The following NUBPL variants were observed in gnomAD, a reference collection of about 807,000 sequenced individuals.
NUBPL encodes NUBP iron-sulfur cluster assembly factor, mitochondrial.
In NUBPL, 31 loss-of-function variants were observed where a neutral mutation model predicts 45.7. That is an observed-to-expected ratio of 0.68 (90% CI 0.51 to 0.92). The LOEUF (loss-of-function observed/expected upper bound fraction) is 0.92, where lower values mean the gene tolerates loss of function less well. Among genes scored for constraint, NUBPL ranks in the 40% least tolerant of loss-of-function variants. NUBPL has a pLI of 0.00. For missense variants in NUBPL, 401 were observed against 398.7 expected, an observed-to-expected ratio of 1.01 and a Z score of -0.05; for synonymous variants, 144 against 140.9, an observed-to-expected ratio of 1.02 and a Z score of -0.15.
At chr14:31,567,547 A>T (rs2033469116) in intron 3 of NUBPL, among the ~76,000 whole-genome samples, 2 of 151,634 alleles carry the variant, frequency 1.3e-5, no homozygotes. Flanking sequence ...GCTGTATTGG[A>T]CTTTAGTTGT....
At position 31,809,984 on chromosome 14, in the gene NUBPL, G is replaced by C. The variant is rs529613589; in HGVS notation, c.608-16645G>C. Among the ~76,000 whole-genome samples the C allele has an allele frequency of 2.0e-5, 3 of 152,340 alleles. No homozygotes were observed. In the East Asian group the frequency reaches 5.8e-4, roughly 29 times the overall value. On this transcript the variant is annotated intron_variant, in intron 7 of 10. Coordinates refer to ENST00000281081, the MANE Select transcript of NUBPL (RefSeq NM_025152.3). ...TGATTGCACTGTGGTCTGATAGATA[G>C]TTTGTTGTGATTTCTGTTCTTTTAC...
chr14:31,825,925 T>A (rs2040095329), intron 7 of NUBPL, among the ~76,000 whole-genome samples: 1 of 151,150 alleles, frequency 6.6e-6, no homozygotes. Context: ...TGGGCTTAAG[T>A]GATCCCTCCG....
intron 3 of NUBPL, among the ~76,000 whole-genome samples, chr14:31,569,111 G>T (rs2033513538): frequency 6.6e-6 from 1 of 152,136 alleles, no homozygotes; most frequent in Admixed American, 6.5e-5. Context: ...AATGTCACTG[G>T]TCTAGGCTAA....
At chr14:31,600,738 G>A (rs1450370179) in intron 4 of NUBPL, among the ~76,000 whole-genome samples, 1 of 151,600 alleles carries the variant, frequency 6.6e-6, no homozygotes, top group Non-Finnish European at 1.5e-5. Context: ...CTTTTGCTGT[G>A]CAGAAGCTCT....
chr14:31,750,375 ATTTT>A (rs1218694753), intron 6 of NUBPL, among the ~76,000 whole-genome samples: 3 of 130,224 alleles, frequency 2.3e-5, no homozygotes, highest in African/African-American at 8.7e-5. Context: ...TATTTTTTTT[ATTTT>A]TTTTTATTTT....
Position 31,846,575 on chromosome 14 carries a change from T to C in NUBPL, c.798T>C (p.Leu266=), listed in dbSNP as rs528295217. ...GTGCAAGGAAACTAGCACAGACCCT[T>C]GGTCTTGAAGTTCTAGGTAAGACTG... is the stretch of plus-strand genomic sequence containing the variant. The part of the protein sequence containing the change: ...ADGARKLAQT[L]GLEVLGDIPL... Residue 266 remains leucine (L), a synonymous_variant, in exon 9 of 11, where the codon CTT becomes CTC. Transcript: ENST00000281081. The C allele has an allele frequency of 6.2e-7, 1 of 1,613,698 alleles. No homozygotes were observed. The highest frequency in any genetic ancestry group is 2.2e-5 in the East Asian group (1 of 44,824).
intron 6 of NUBPL, among the ~76,000 whole-genome samples, chr14:31,711,352 A>G (rs1281533909): frequency 1.3e-5 from 2 of 152,176 alleles, no homozygotes; most frequent in African/African-American, 4.8e-5. Flanking sequence ...TTGCCGCGCT[A>G]GTAGCTTTTA....
At chr14:31,818,649 C>T (rs1004049115) in intron 7 of NUBPL, among the ~76,000 whole-genome samples, 8 of 152,256 alleles carry the variant, frequency 5.3e-5, no homozygotes, top group South Asian at 2.1e-4. Context: ...GCTGGGTTCA[C>T]GCCATTCTCC....
At chr14:31,655,273 A>G (rs1229970959) in intron 4 of NUBPL, among the ~76,000 whole-genome samples, 1 of 152,240 alleles carries the variant, frequency 6.6e-6, no homozygotes, top group African/African-American at 2.4e-5. Flanking sequence ...CTGTAATAAT[A>G]AGACTTGAAA....
At chr14:31,655,348 C>A (rs2036116360) in intron 4 of NUBPL, among the ~76,000 whole-genome samples, 1 of 152,186 alleles carries the variant, frequency 6.6e-6, no homozygotes. Flanking sequence ...ATGAAGACAA[C>A]ATTCATCTGA....
chr14:31,771,782 CT>C, intron 6 of NUBPL: 1 of 670,308 alleles, frequency 1.5e-6, no homozygotes, highest in Non-Finnish European at 1.8e-6. Context: ...TTGTGCTCTC[CT>C]TTACCTATTA....
chr14:31,795,711 G>A (rs1342259519), intron 7 of NUBPL, among the ~76,000 whole-genome samples: 2 of 19,702 alleles, frequency 1.0e-4, no homozygotes, highest in Admixed American at 7.6e-4. Context: ...TTTCCTAATT[G>A]AATACCCTTT....
chr14:31,811,077 A>C (rs1381015448), intron 7 of NUBPL, among the ~76,000 whole-genome samples: 2 of 152,164 alleles, frequency 1.3e-5, no homozygotes, highest in East Asian at 3.9e-4. Flanking sequence ...AACCTTGGTG[A>C]ATCTGATAAT....
At chr14:31,700,609 G>T (rs1431304799) in intron 6 of NUBPL, among the ~76,000 whole-genome samples, 4 of 152,196 alleles carry the variant, frequency 2.6e-5, no homozygotes, top group Non-Finnish European at 5.9e-5. Context: ...GTTCCGGGTG[G>T]GCGCAGGCTC....
Position 31,762,181 on chromosome 14 carries a change from A to G in NUBPL, c.514-25599A>G, listed in dbSNP as rs188407580. 7.2e-5 allele frequency among the ~76,000 whole-genome samples: 11 copies of G among 152,290 alleles called. No homozygotes were observed. In the East Asian group the frequency reaches 2.1e-3, roughly 29 times the overall value. On this transcript the variant is annotated intron_variant, in intron 6 of 10. Transcript: ENST00000281081. The stretch of plus-strand genomic sequence containing the variant: ...AAGTATCTTTTAAAAATCTTTTCTA[A>G]CTATGTTGTAACTTGAGTATTGTGG...
chr14:31,748,568 T>G (rs1423328159), intron 6 of NUBPL, among the ~76,000 whole-genome samples: 1 of 152,068 alleles, frequency 6.6e-6, no homozygotes, highest in Non-Finnish European at 1.5e-5. Flanking sequence ...GGTCTTTTTT[T>G]AAAAGTCAAT....
intron 3 of NUBPL, among the ~76,000 whole-genome samples, chr14:31,580,577 G>A (rs1422303653): frequency 6.6e-6 from 1 of 152,162 alleles, no homozygotes; most frequent in African/African-American, 2.4e-5. Context: ...TCACACCACT[G>A]TGCTACAGCC....
At chr14:31,775,255 T>C (rs897231345) in intron 6 of NUBPL, among the ~76,000 whole-genome samples, 9 of 151,996 alleles carry the variant, frequency 5.9e-5, no homozygotes, top group African/African-American at 1.9e-4. Context: ...CTGTCTCTAC[T>C]AAGAATACAA....
chr14:31,722,028 G>A (rs561721763), intron 6 of NUBPL, among the ~76,000 whole-genome samples: 3 of 151,806 alleles, frequency 2.0e-5, no homozygotes, highest in South Asian at 2.1e-4. Context: ...ACAGAGTCTC[G>A]TTCTGTCGCC....
Sources: gnomAD v4.1 joint callset for allele counts (sites outside exome capture counted in the v4.1 genomes callset) on GRCh38, gnomAD v4.1.1 for gene constraint, MANE v1.5 for transcripts, NCBI Gene and HGNC (gene_info 2026-07-23, HGNC 2026-07-21) for gene names.